Variants in PHOX2B observed in about 807,000 individuals in gnomAD.
The protein encoded by PHOX2B is paired like homeobox 2B, also known as paired mesoderm homeobox protein 2B.
PHOX2B carries 1 observed loss-of-function variant against 15.5 expected under a neutral mutation model. The observed-to-expected ratio is 0.06, with a 90% confidence interval of 0.02 to 0.31. PHOX2B has a LOEUF of 0.31. Among genes scored for constraint, PHOX2B ranks in the 10% least tolerant of loss-of-function variants. The probability of loss-of-function intolerance (pLI) is 1.00; values close to 1 mark genes in which losing one functional copy is unlikely to be tolerated. For synonymous variants in PHOX2B, 206 were observed against 190.5 expected (o/e 1.08, Z -0.67); for missense variants, 314 against 436.4 (o/e 0.72, Z 2.50).
chr4:41,747,434 C>T lies in PHOX2B; in HGVS notation c.344G>A (p.Arg115Lys), dbSNP rs1347766910. The T allele has an allele frequency of 2.5e-6, 4 of 1,610,924 alleles. No homozygotes were observed. Among genetic ancestry groups the T allele is most frequent in the South Asian group, 1.1e-5 (1 of 91,014 alleles). ...GGGGTAGTGAGTCTCCGCGAAGACC[C>T]TTTCCAGCTCTTTGAGCTGGGCACT... Reference protein sequence around the residue: ...FTSAQLKELERVFAETHYPDI... With the variant: ...FTSAQLKELEKVFAETHYPDI... Residue 115 changes from arginine (R) to lysine (K), a missense_variant, in exon 2 of 3, where the codon AGG becomes AAG. Transcript: ENST00000226382.
Position 41,747,516 on chromosome 4 carries a change from C to T in PHOX2B, c.262G>A (p.Asp88Asn), listed in dbSNP as rs1402111533. 3 of 1,608,616 alleles carry T rather than the reference C, an allele frequency of 1.9e-6. No individual in the cohort carries two copies. The highest frequency in any genetic ancestry group is 1.1e-5 in the South Asian group (1 of 91,052). Residue 88 changes from aspartate to asparagine, a missense_variant, in exon 2 of 3, where the codon GAC becomes AAC. This residue lies in a region of PHOX2B where 102 missense variants were observed against 155.1 expected (regional missense o/e 0.66). Coordinates refer to ENST00000226382, the MANE Select transcript of PHOX2B (RefSeq NM_003924.4). ...YAAVPYKLFT[D>N]HGGLNEKRKQ... ...CGCTTCTCGTTGAGGCCGCCGTGGT[C>T]CGTGAAGAGTTTGTAAGGAACTAGA...
chr4:41,747,546 G>C lies in PHOX2B; in HGVS notation c.242-10C>G. The C allele has an allele frequency of 1.2e-6, 2 of 1,602,134 alleles. No individual in the cohort carries two copies. Among genetic ancestry groups the C allele is most frequent in the Non-Finnish European group, 1.7e-6 (2 of 1,178,190 alleles). On this transcript the variant is annotated splice_polypyrimidine_tract_variant and intron_variant, in intron 1 of 2. Transcript: ENST00000226382. ...AAGAGTTTGTAAGGAACTAGAGTAT[G>C]ACAGAGGAGACAGAAAGTGAGCAAA...
In PHOX2B at chr4:41,745,570, G is replaced by A; in HGVS notation, c.*237C>T. The A allele has an allele frequency of 2.0e-6, 1 of 497,232 alleles. No homozygotes were observed. The highest frequency in any genetic ancestry group is 2.4e-5 in the South Asian group (1 of 41,100). 30.8% of individuals were successfully genotyped at this position (497,232 alleles called of 1,614,324 possible). On this transcript the variant is annotated 3_prime_UTR_variant, in exon 3 of 3. Coordinates refer to ENST00000226382, the MANE Select transcript of PHOX2B (RefSeq NM_003924.4). This position sits in a 1 kb window ranked among gnomAD's most constrained non-coding sequence, Gnocchi z 4.0. ...CCGCTGCGAGGCCCCAGGCAGGTGC[G>A]AAGCCAGGGAAGTTTGTTTGTTTTG... is the stretch of plus-strand genomic sequence containing the variant.
In PHOX2B at chr4:41,744,583, AT is replaced by A. The variant is rs1231958961; in HGVS notation, c.*1223del. 1 of 233,472 alleles carries A rather than the reference AT, an allele frequency of 4.3e-6. No homozygotes were observed. Among genetic ancestry groups the A allele is most frequent in the African/African-American group, 2.2e-5 (1 of 45,332 alleles). The allele number at this position is 233,472 out of a possible 1,614,324, so 14.5% of individuals were successfully genotyped here. A position where few individuals can be genotyped will look rare whatever the true frequency, so the allele number is the denominator to read the frequency against. On this transcript the variant is annotated 3_prime_UTR_variant, in exon 3 of 3. Coordinates refer to ENST00000226382, the MANE Select transcript of PHOX2B (RefSeq NM_003924.4). ...ACAACAACAAAGAATCAAAACAGAG[AT>A]GTCTAAACTGCGCGAAGAATGGAAC... is the stretch of plus-strand genomic sequence containing the variant.
chr4:41,747,253 C>G, intron 2 of PHOX2B, 96 bp downstream of exon 2: 1 of 1,021,506 alleles, frequency 9.8e-7, no homozygotes. Context: ...CCTTCTCACT[C>G]GAGGCTCCAG....
chr4:41,748,613 A>G lies in PHOX2B; in HGVS notation c.-3T>C. The stretch of plus-strand genomic sequence containing the variant: ...TAAGAATATTCCATTTTATACATTG[A>G]AAAGGTTCTGGATGGCTCAGCCAAG... On this transcript the variant is annotated 5_prime_UTR_variant, in exon 1 of 3. Transcript: ENST00000226382. The G allele has an allele frequency of 6.2e-6, 10 of 1,613,226 alleles. No individual in the cohort carries two copies. The highest frequency in any genetic ancestry group is 8.5e-6 in the Non-Finnish European group (10 of 1,179,222).
At chr4:41,747,770 T>C (rs1370995286) in intron 1 of PHOX2B, 6 of 687,908 alleles carry the variant, frequency 8.7e-6, no homozygotes, top group Non-Finnish European at 1.6e-5. Context: ...CGCCTTTGGG[T>C]GGATTGAAAC....
rs534756790 is a variant in PHOX2B at position 41,748,617 on chromosome 4, G to A, written c.-7C>T. ...AATATTCCATTTTATACATTGAAAA[G>A]GTTCTGGATGGCTCAGCCAAGTGGA... On this transcript the variant is annotated 5_prime_UTR_variant, in exon 1 of 3. Transcript: ENST00000226382. 9 of 1,612,974 alleles carry A rather than the reference G, an allele frequency of 5.6e-6. No homozygotes were observed. The East Asian group carries it at 8.9e-5, about 16-fold the overall frequency.
rs989084011 is a variant in PHOX2B at position 41,745,288 on chromosome 4, TG to T, written c.*518del. On this transcript the variant is annotated 3_prime_UTR_variant, in exon 3 of 3. Coordinates refer to ENST00000226382, the MANE Select transcript of PHOX2B (RefSeq NM_003924.4). This position sits in a 1 kb window ranked among gnomAD's most constrained non-coding sequence, Gnocchi z 4.0. ...TTTCCTTATGTTTTTTAAACCTTTC[TG>T]GGTTGTTGGCTTTTTGTTTTTTAAT... is the stretch of plus-strand genomic sequence containing the variant. 8.6e-6 allele frequency: 2 copies of T among 233,872 alleles called. No individual in the cohort carries two copies. The highest frequency in any genetic ancestry group is 8.4e-6 in the Non-Finnish European group (1 of 118,410). 14.5% of individuals were successfully genotyped at this position (233,872 alleles called of 1,614,324 possible).
At position 41,748,712 on chromosome 4, in the gene PHOX2B, C is replaced by T; in HGVS notation, c.-102G>A. On this transcript the variant is annotated 5_prime_UTR_variant, in exon 1 of 3. Coordinates refer to ENST00000226382, the MANE Select transcript of PHOX2B (RefSeq NM_003924.4). ...GAGATGTGCACAGCTCAACGCCTGC[C>T]TCCAAACTGGCCTCCTTACTACCAG... 1 of 1,140,348 alleles carries T rather than the reference C, an allele frequency of 8.8e-7. No homozygotes were observed. 70.6% of individuals were successfully genotyped at this position (1,140,348 alleles called of 1,614,324 possible).
intron 1 of PHOX2B, chr4:41,747,762 C>G (rs1261905110): frequency 4.3e-6 from 3 of 690,656 alleles, no homozygotes; most frequent in Admixed American, 2.0e-5. Flanking sequence ...GGCACAAGCG[C>G]CTTTGGGTGG....
chr4:41,744,373 C>T lies in PHOX2B; in HGVS notation c.*1434G>A, dbSNP rs1279487785. On this transcript the variant is annotated 3_prime_UTR_variant, in exon 3 of 3. Coordinates refer to ENST00000226382, the MANE Select transcript of PHOX2B (RefSeq NM_003924.4). The stretch of plus-strand genomic sequence containing the variant: ...TTGAACCCGTGAGAACCTTATTACA[C>T]CATAAAGACACGCCATAGAGACTAC... The T allele has an allele frequency of 4.3e-6, 1 of 230,084 alleles. No individual in the cohort carries two copies. The highest frequency in any genetic ancestry group is 5.7e-5 in the Admixed American group (1 of 17,688). The allele number at this position is 230,084 out of a possible 1,614,324, so 14.3% of individuals were successfully genotyped here.
chr4:41,747,236 C>T, intron 2 of PHOX2B, 113 bp downstream of exon 2: 1 of 842,636 alleles, frequency 1.2e-6, no homozygotes, highest in Non-Finnish European at 2.0e-6. Context: ...GCCATGGGGC[C>T]CTAGGTCCTT....
chr4:41,745,992 C>T lies in PHOX2B; in HGVS notation c.760G>A (p.Ala254Thr), dbSNP rs766767855. The T allele has an allele frequency of 2.3e-4, 273 of 1,210,394 alleles. No homozygotes were observed. Among genetic ancestry groups the T allele is most frequent in the Non-Finnish European group, 2.5e-4 (247 of 975,218 alleles). The allele number at this position is 1,210,394 out of a possible 1,614,324, so 75.0% of individuals were successfully genotyped here. A position where few individuals can be genotyped will look rare whatever the true frequency, so the allele number is the denominator to read the frequency against. ...CCTCCAGCTGCCGCCGCTGCCGCTG[C>T]CGCCGCCGCCGCTGCCGCGGCCGCC... ...AAAAAAAAAA[A>T]AAAAAAGGLA... Residue 254 changes from alanine to threonine, a missense_variant, in exon 3 of 3, where the codon GCA becomes ACA. By Grantham distance (58) the Ala-to-Thr change is moderately conservative. This residue lies in a region of PHOX2B where 157 missense variants were observed against 169.0 expected (regional missense o/e 0.93). Coordinates refer to ENST00000226382, the MANE Select transcript of PHOX2B (RefSeq NM_003924.4). The surrounding 1 kb of genome is among the most constrained non-coding windows in gnomAD (Gnocchi z 4.0).
intron 2 of PHOX2B, 115 bp downstream of exon 2, chr4:41,747,234 G>A: frequency 1.2e-6 from 1 of 819,110 alleles, no homozygotes; most frequent in Non-Finnish European, 2.0e-6. Context: ...CGGCCATGGG[G>A]CCCTAGGTCC....
intron 1 of PHOX2B, 104 bp downstream of exon 1, chr4:41,748,266 G>C: frequency 3.0e-6 from 4 of 1,335,016 alleles, no homozygotes; most frequent in Non-Finnish European, 4.2e-6. Flanking sequence ...AGCAAATTTC[G>C]TTTGGTAAAT....
chr4:41,747,679 C>A (rs762449320), intron 1 of PHOX2B, 143 bp from the exon 2 acceptor site: 6 of 746,750 alleles, frequency 8.0e-6, no homozygotes, highest in South Asian at 4.4e-5. Context: ...AGAGAAGCTG[C>A]GGGAAGAAAC....
chr4:41,746,005 TGCCGCGGCCGCC>T lies in PHOX2B; in HGVS notation c.735_746del (p.Ala257_Ala260del). The T allele has an allele frequency of 8.7e-7, 1 of 1,148,040 alleles. No individual in the cohort carries two copies. Among genetic ancestry groups the T allele is most frequent in the Non-Finnish European group, 1.1e-6 (1 of 934,634 alleles). The allele number at this position is 1,148,040 out of a possible 1,614,324, so 71.1% of individuals were successfully genotyped here. A position where few individuals can be genotyped will look rare whatever the true frequency, so the allele number is the denominator to read the frequency against. On this transcript the variant is annotated inframe_deletion, in exon 3 of 3. Coordinates refer to ENST00000226382, the MANE Select transcript of PHOX2B (RefSeq NM_003924.4). ...CCGCTGCCGCTGCCGCCGCCGCCGC[TGCCGCGGCCGCC>T]GCCGCTGCTGCTGCGCCGCCCTTGC...
intron 2 of PHOX2B, 44 bp from the exon 3 acceptor site, chr4:41,746,366 G>A: frequency 6.2e-7 from 1 of 1,601,328 alleles, no homozygotes; most frequent in Non-Finnish European, 8.5e-7. Context: ...GGGGGAGAAA[G>A]AAGAAAATGG....
Sources: allele counts gnomAD v4.1 joint callset, GRCh38; gene constraint gnomAD v4.1.1; regional missense constraint gnomAD v4.1.1; non-coding constraint Gnocchi (gnomAD v3.1); transcripts MANE v1.5; gene names NCBI Gene and HGNC (gene_info 2026-07-23, HGNC 2026-07-21).